The following RIMS2 variants were observed in gnomAD, a reference collection of about 807,000 sequenced individuals.
RIMS2 encodes the protein regulating synaptic membrane exocytosis 2, also known as regulating synaptic membrane exocytosis protein 2.
A neutral mutation model predicts 174.4 loss-of-function variants in RIMS2; 59 were observed. That is an observed-to-expected ratio of 0.34 (90% CI 0.27 to 0.42). The LOEUF (loss-of-function observed/expected upper bound fraction) is 0.42. Among genes scored for constraint, RIMS2 ranks in the 10% least tolerant of loss-of-function variants. The pLI, the probability that RIMS2 is intolerant of heterozygous loss-of-function variation, is 1.00. For synonymous variants in RIMS2, 606 were observed against 572.5 expected, an observed-to-expected ratio of 1.06 and a Z score of -0.84; for missense variants, 1,620 against 1,666.3, an observed-to-expected ratio of 0.97 and a Z score of 0.48.
chr8:103,819,776 T>A, intron 3 of RIMS2: 1 of 577,622 alleles, frequency 1.7e-6, no homozygotes. Flanking sequence ...ATAGCATTCT[T>A]AATTTGATTT....
intron 14 of RIMS2, among the ~76,000 whole-genome samples, chr8:103,960,229 G>A (rs908364488): frequency 6.6e-5 from 10 of 152,126 alleles, no homozygotes; most frequent in Admixed American, 1.3e-4. Flanking sequence ...ATATATAAGC[G>A]TGTAGTCACA....
At chr8:103,664,479 A>G (rs2096644014) in intron 1 of RIMS2, among the ~76,000 whole-genome samples, 1 of 152,238 alleles carries the variant, frequency 6.6e-6, no homozygotes, top group African/African-American at 2.4e-5. Context: ...ATATGAACAG[A>G]CACTTCTCAA....
chr8:103,607,900 T>A (rs2095193051), intron 1 of RIMS2, among the ~76,000 whole-genome samples: 1 of 136,218 alleles, frequency 7.3e-6, no homozygotes, highest in Non-Finnish European at 1.6e-5. Flanking sequence ...TTATACATTC[T>A]TCTAAATTTT....
chr8:104,042,607 G>A (rs2096627654), intron 19 of RIMS2, among the ~76,000 whole-genome samples: 1 of 151,570 alleles, frequency 6.6e-6, no homozygotes, highest in Non-Finnish European at 1.5e-5. Context: ...TGCAGAAAGA[G>A]GAGGAATAAG....
intron 19 of RIMS2, among the ~76,000 whole-genome samples, chr8:104,169,189 T>A (rs1399451375): frequency 1.3e-5 from 2 of 151,486 alleles, no homozygotes; most frequent in African/African-American, 4.8e-5. Flanking sequence ...TAGGGAGGAC[T>A]TCCTCTTTCT....
intron 19 of RIMS2, among the ~76,000 whole-genome samples, chr8:104,219,833 A>G (rs956833421): frequency 1.3e-5 from 2 of 152,178 alleles, no homozygotes; most frequent in African/African-American, 2.4e-5. Flanking sequence ...CCAAAACTAC[A>G]TATACTACTT....
chr8:104,099,580 T>C (rs966324477), intron 19 of RIMS2, among the ~76,000 whole-genome samples: 1 of 152,196 alleles, frequency 6.6e-6, no homozygotes, highest in African/African-American at 2.4e-5. Flanking sequence ...GTAGGTGCTA[T>C]TCCTCCTCTC....
Position 103,573,689 on chromosome 8 carries a change from A to G in RIMS2, c.176+72627A>G, listed in dbSNP as rs537256740. Among the ~76,000 whole-genome samples the G allele has an allele frequency of 2.0e-3, 303 of 152,250 alleles. 1 individual carries two copies. Among genetic ancestry groups the G allele is most frequent in the Non-Finnish European group, 3.7e-3 (255 of 68,010 alleles). ...CTTTTCACTTATGATTGCTTTGGCTATTTAGGCTCTTTTTTGGATCCATAT... is the reference window on the plus strand; with the variant it reads ...CTTTTCACTTATGATTGCTTTGGCTGTTTAGGCTCTTTTTTGGATCCATAT... On this transcript the variant is annotated intron_variant, in intron 1 of 23. Transcript: ENST00000504942.
intron 19 of RIMS2, among the ~76,000 whole-genome samples, chr8:104,174,538 G>C (rs917244192): frequency 2.0e-5 from 3 of 152,140 alleles, no homozygotes; most frequent in African/African-American, 7.2e-5. Context: ...AGGAGAAGCA[G>C]GAGAAGTGAT....
rs1418995648 is a variant in RIMS2 at position 104,148,605 on chromosome 8, A to T, written c.3335-96311A>T. On this transcript the variant is annotated intron_variant, in intron 19 of 23. Coordinates refer to ENST00000504942, the Ensembl canonical transcript of RIMS2. ...CACTTTTAATGATCCATCGGCTGAC[A>T]GTGTCTTTACATCCAAAATGCAAAG... The T allele has an allele frequency of 6.3e-7, 1 of 1,596,872 alleles. No individual in the cohort carries two copies. The highest frequency in any genetic ancestry group is 1.1e-5 in the South Asian group (1 of 90,816).
At chr8:104,239,139 G>A (rs1423538662) in intron 19 of RIMS2, among the ~76,000 whole-genome samples, 1 of 152,180 alleles carries the variant, frequency 6.6e-6, no homozygotes, top group African/African-American at 2.4e-5. Context: ...TGCCTTGGGT[G>A]GGGCTTAAAA....
chr8:104,114,364 T>C (rs2098245793), intron 19 of RIMS2, among the ~76,000 whole-genome samples: 1 of 151,998 alleles, frequency 6.6e-6, no homozygotes, highest in Non-Finnish European at 1.5e-5. Context: ...AATCAGTACA[T>C]AATGCATTCA....
chr8:103,937,738 G>A (rs563691097), intron 13 of RIMS2, among the ~76,000 whole-genome samples: 4 of 152,256 alleles, frequency 2.6e-5, no homozygotes, highest in Non-Finnish European at 4.4e-5. Flanking sequence ...CAATTGCATT[G>A]AAATTGGAAG....
At chr8:104,057,553 T>A (rs867943167) in intron 19 of RIMS2, among the ~76,000 whole-genome samples, 2 of 152,084 alleles carry the variant, frequency 1.3e-5, no homozygotes, top group Admixed American at 6.5e-5. Context: ...TATCAGTTTC[T>A]TCTTTTATTT....
chr8:104,166,986 C>T (rs2098802127), intron 19 of RIMS2, among the ~76,000 whole-genome samples: 1 of 152,154 alleles, frequency 6.6e-6, no homozygotes, highest in African/African-American at 2.4e-5. Flanking sequence ...AGCAGTATTC[C>T]ATGGTGTGTA....
chr8:103,591,455 G>A (rs2094253462), intron 1 of RIMS2, among the ~76,000 whole-genome samples: 1 of 150,712 alleles, frequency 6.6e-6, no homozygotes, highest in African/African-American at 2.4e-5. Context: ...TATGATTATT[G>A]TCTCTGTGTT....
chr8:103,899,868 C>A (rs2099317593), intron 4 of RIMS2, among the ~76,000 whole-genome samples: 2 of 151,786 alleles, frequency 1.3e-5, no homozygotes, highest in South Asian at 4.1e-4. Flanking sequence ...ACATTTAAGT[C>A]TTTAATCCAT....
At chr8:104,035,408 A>T (rs1015126330) in intron 19 of RIMS2, among the ~76,000 whole-genome samples, 4 of 151,844 alleles carry the variant, frequency 2.6e-5, no homozygotes, top group South Asian at 2.1e-4. Context: ...CAGATTTGGC[A>T]TTATTTGCTT....
intron 19 of RIMS2, among the ~76,000 whole-genome samples, chr8:104,045,310 T>C (rs1260262002): frequency 6.6e-6 from 1 of 151,864 alleles, no homozygotes; most frequent in Non-Finnish European, 1.5e-5. Flanking sequence ...ATTACACATT[T>C]TGAAGCAGCA....
Sources: gnomAD v4.1 joint callset for allele counts (sites outside exome capture counted in the v4.1 genomes callset) on GRCh38, gnomAD v4.1.1 for gene constraint, MANE v1.5 for transcripts, NCBI Gene and HGNC (gene_info 2026-07-23, HGNC 2026-07-21) for gene names.